The following CSTPP1 variants were observed in gnomAD, a reference collection of about 807,000 sequenced individuals.
The protein encoded by CSTPP1 is UPF0705 protein C11orf49.
chr11:47,046,463 G>A, the CSTPP1 span, among the ~76,000 whole-genome samples: 1 of 151,858 alleles, frequency 6.6e-6, no homozygotes, highest in African/African-American at 2.4e-5. Context: ...TTAGGAATAA[G>A]TCTAACTGAG....
chr11:46,985,923 C>G, the CSTPP1 span, among the ~76,000 whole-genome samples: 3 of 152,098 alleles, frequency 2.0e-5, no homozygotes, highest in Admixed American at 6.6e-5. Flanking sequence ...ATCCAAAGCC[C>G]AGGTTCTTAA....
chr11:47,137,754 C>T, the CSTPP1 span: 5 of 1,604,648 alleles, frequency 3.1e-6, no homozygotes, highest in South Asian at 5.5e-5. Context: ...CTCTTGAAAC[C>T]AACTCAGCTC....
At chr11:47,147,655 C>T in the CSTPP1 span, among the ~76,000 whole-genome samples, 2 of 152,150 alleles carry the variant, frequency 1.3e-5, no homozygotes, top group Non-Finnish European at 2.9e-5. Flanking sequence ...CGAGACAGCA[C>T]AGAGTCCACT....
At chr11:47,038,603 C>A in the CSTPP1 span, among the ~76,000 whole-genome samples, 41 of 113,290 alleles carry the variant, frequency 3.6e-4, 2 homozygotes, top group African/African-American at 1.0e-3. Flanking sequence ...ACCTCCCTCC[C>A]GGACTGGGAG....
the CSTPP1 span, among the ~76,000 whole-genome samples, chr11:47,119,091 T>C: frequency 3.2e-4 from 48 of 152,264 alleles, no homozygotes; most frequent in Non-Finnish European, 5.7e-4. Context: ...GTAGGCCTTG[T>C]AGAGCTGCGG....
At chr11:47,150,750 A>C in the CSTPP1 span, among the ~76,000 whole-genome samples, 1 of 151,650 alleles carries the variant, frequency 6.6e-6, no homozygotes, top group Non-Finnish European at 1.5e-5. Context: ...GGACAGCTTC[A>C]GGGAGGATGG....
the CSTPP1 span, among the ~76,000 whole-genome samples, chr11:47,117,015 A>C: frequency 1.1e-4 from 17 of 152,054 alleles, no homozygotes; most frequent in Non-Finnish European, 2.1e-4. Context: ...CTTTATTTTC[A>C]GCCTATGTGT....
At chr11:46,968,830 C>T in the CSTPP1 span, among the ~76,000 whole-genome samples, 5 of 151,038 alleles carry the variant, frequency 3.3e-5, no homozygotes, top group East Asian at 1.9e-4. Context: ...ACCCGGGGGG[C>T]GGAGGTTGCA....
the CSTPP1 span, among the ~76,000 whole-genome samples, chr11:47,003,620 A>G: frequency 2.6e-5 from 4 of 152,314 alleles, no homozygotes; most frequent in South Asian, 6.2e-4. Flanking sequence ...CATAATTGTG[A>G]TTCCCTTCTT....
At chr11:47,048,484 AGGAAAGAAGGAAGGAG>A in the CSTPP1 span, among the ~76,000 whole-genome samples, 2 of 152,000 alleles carry the variant, frequency 1.3e-5, no homozygotes, top group Non-Finnish European at 2.9e-5. Flanking sequence ...TTATGAAGGA[AGGAAAGAAGGAAGGAG>A]GGAAAGAAAG....
the CSTPP1 span, among the ~76,000 whole-genome samples, chr11:47,104,388 G>A: frequency 6.6e-6 from 1 of 152,108 alleles, no homozygotes; most frequent in Non-Finnish European, 1.5e-5. Flanking sequence ...CACTGGGTGG[G>A]TGTAACCAAA....
At chr11:47,093,689 T>C in the CSTPP1 span, among the ~76,000 whole-genome samples, 1 of 152,190 alleles carries the variant, frequency 6.6e-6, no homozygotes, top group African/African-American at 2.4e-5. Context: ...GGTAAGTTCC[T>C]TAAGCTCTCA....
the CSTPP1 span, among the ~76,000 whole-genome samples, chr11:47,105,574 T>A: frequency 6.6e-6 from 1 of 152,206 alleles, no homozygotes; most frequent in African/African-American, 2.4e-5. Flanking sequence ...TACTGTGTCC[T>A]AGGCATGGTA....
the CSTPP1 span, among the ~76,000 whole-genome samples, chr11:47,091,046 C>CA: frequency 1.8e-4 from 15 of 83,680 alleles, no homozygotes; most frequent in African/African-American, 7.0e-4. Flanking sequence ...GACTCCATCT[C>CA]AAAAAAAAAA....
chr11:47,068,803 G>A, the CSTPP1 span, among the ~76,000 whole-genome samples: 3 of 152,214 alleles, frequency 2.0e-5, no homozygotes, highest in South Asian at 2.1e-4. Flanking sequence ...AGTAAAAGGA[G>A]AGCTTGACAA....
chr11:46,975,589 G>A, the CSTPP1 span, among the ~76,000 whole-genome samples: 1 of 152,112 alleles, frequency 6.6e-6, no homozygotes, highest in Non-Finnish European at 1.5e-5. Flanking sequence ...AAAATATTCA[G>A]TTGTTGCCAT....
the CSTPP1 span, among the ~76,000 whole-genome samples, chr11:46,941,581 C>T: frequency 6.6e-6 from 1 of 152,164 alleles, no homozygotes. Context: ...CTCAGGTGAT[C>T]CACCCACCTT....
chr11:47,129,015 T>C, the CSTPP1 span, among the ~76,000 whole-genome samples: 5 of 152,232 alleles, frequency 3.3e-5, no homozygotes, highest in Admixed American at 2.6e-4. Context: ...TTCTCTTGCC[T>C]TTAGTCACCA....
chr11:46,991,107 T>G, the CSTPP1 span, among the ~76,000 whole-genome samples: 1 of 152,176 alleles, frequency 6.6e-6, no homozygotes, highest in Non-Finnish European at 1.5e-5. Flanking sequence ...TTCTTCTGGT[T>G]TTTGGGAACA....
Sources: gnomAD v4.1 joint callset for allele counts (sites outside exome capture counted in the v4.1 genomes callset) on GRCh38, gnomAD v4.1.1 for gene constraint, MANE v1.5 for transcripts, NCBI Gene and HGNC (gene_info 2026-07-23, HGNC 2026-07-21) for gene names.